The following CUX1 variants were observed in gnomAD, a reference collection of about 807,000 sequenced individuals.
CUX1 encodes the protein cut like homeobox 1, also known as protein CASP.
Under a neutral mutation model 158.8 loss-of-function variants are expected in CUX1, and 31 were observed. That is an observed-to-expected ratio of 0.20 (90% CI 0.15 to 0.26). The LOEUF (loss-of-function observed/expected upper bound fraction) is 0.26, where lower values mean the gene tolerates loss of function less well. Among genes scored for constraint, CUX1 ranks in the 10% least tolerant of loss-of-function variants. The probability of loss-of-function intolerance (pLI) is 1.00; values close to 1 mark genes in which losing one functional copy is unlikely to be tolerated. For synonymous variants in CUX1, 879 were observed against 862.1 expected, an observed-to-expected ratio of 1.02 and a Z score of -0.34; for missense variants, 1,589 against 2,014.6, an observed-to-expected ratio of 0.79 and a Z score of 4.04.
intron 20 of CUX1, among the ~76,000 whole-genome samples, chr7:102,219,214 G>T (rs1403534668): frequency 6.6e-6 from 1 of 152,008 alleles, no homozygotes; most frequent in Non-Finnish European, 1.5e-5. Context: ...GTGTGTGAGA[G>T]AGAGAGAGAA....
intron 20 of CUX1, among the ~76,000 whole-genome samples, chr7:102,214,366 AT>A (rs1796839290): frequency 6.6e-6 from 1 of 151,830 alleles, no homozygotes; most frequent in Non-Finnish European, 1.5e-5. Context: ...TCTACAGAAA[AT>A]TTAAAATTTA....
intron 1 of CUX1, among the ~76,000 whole-genome samples, chr7:101,897,195 C>T (rs74409607): frequency 0.017 from 2,558 of 152,276 alleles, 28 homozygotes; most frequent in Non-Finnish European, 0.028. Context: ...CATCTCTGTC[C>T]CTGGATGACA....
intron 1 of CUX1, among the ~76,000 whole-genome samples, chr7:101,864,395 C>G (rs190067350): frequency 6.6e-6 from 1 of 152,160 alleles, no homozygotes; most frequent in African/African-American, 2.4e-5. Context: ...CTCCTGAGCT[C>G]AAGCGATCCT....
intron 23 of CUX1, among the ~76,000 whole-genome samples, chr7:102,244,527 G>A (rs1563479495): frequency 6.6e-6 from 1 of 151,846 alleles, no homozygotes; most frequent in South Asian, 2.1e-4. Context: ...GTGAGACCAC[G>A]TCTACAAAAA....
intron 2 of CUX1, among the ~76,000 whole-genome samples, chr7:101,993,796 A>T (rs1425972655): frequency 8.5e-5 from 13 of 152,120 alleles, no homozygotes; most frequent in Admixed American, 7.9e-4. Context: ...CTCCCGGTGC[A>T]GACTGGGACA....
At chr7:101,822,568 A>T (rs779104477) in intron 1 of CUX1, 2 of 152,192 alleles carry the variant, frequency 1.3e-5, no homozygotes, top group Non-Finnish European at 2.9e-5. Flanking sequence ...GTGCTGCCCT[A>T]TTCGGGTATT....
intron 1 of CUX1, among the ~76,000 whole-genome samples, chr7:101,848,567 G>A (rs2131240089): frequency 6.6e-6 from 1 of 152,250 alleles, no homozygotes; most frequent in East Asian, 1.9e-4. Context: ...TCTCCCCCTT[G>A]TATTTTCCCA....
intron 3 of CUX1, among the ~76,000 whole-genome samples, chr7:102,060,698 C>T (rs1456212448): frequency 1.3e-5 from 2 of 151,394 alleles, no homozygotes; most frequent in East Asian, 3.9e-4. Context: ...CTGCAACCTC[C>T]ACCTTCTGGG....
At chr7:102,263,803 C>T (rs1305703003) in intron 14 of CUX1, among the ~76,000 whole-genome samples, 3 of 151,752 alleles carry the variant, frequency 2.0e-5, no homozygotes, top group African/African-American at 7.3e-5. Context: ...AGCGATTCTC[C>T]TGCCCCAGCC....
chr7:102,166,112 T>C (rs1209659240), intron 9 of CUX1, among the ~76,000 whole-genome samples: 1 of 152,164 alleles, frequency 6.6e-6, no homozygotes, highest in Non-Finnish European at 1.5e-5. Flanking sequence ...CGTGACAATG[T>C]CCTGGACACC....
chr7:102,231,776 C>T (rs1358716690), intron 21 of CUX1, among the ~76,000 whole-genome samples: 1 of 149,318 alleles, frequency 6.7e-6, no homozygotes, highest in Non-Finnish European at 1.5e-5. Context: ...TGCAGTGGCA[C>T]GATCTCGGCT....
At chr7:101,987,415 C>T (rs1290712381) in intron 2 of CUX1, among the ~76,000 whole-genome samples, 2 of 152,150 alleles carry the variant, frequency 1.3e-5, no homozygotes, top group Non-Finnish European at 2.9e-5. Context: ...TAGGTTCAAG[C>T]GGAAGAAATG....
chr7:102,036,776 A>AG (rs397713827), intron 3 of CUX1, among the ~76,000 whole-genome samples: 10 of 151,726 alleles, frequency 6.6e-5, no homozygotes, highest in Non-Finnish European at 1.0e-4. Flanking sequence ...AAAAAAAAAA[A>AG]CACCGGAATC....
intron 1 of CUX1, among the ~76,000 whole-genome samples, chr7:101,832,463 G>T (rs536806806): frequency 6.6e-6 from 1 of 152,170 alleles, no homozygotes; most frequent in Non-Finnish European, 1.5e-5. Flanking sequence ...GCACCTTCAG[G>T]GGCGGGCTTC....
chr7:101,999,124 G>A (rs765398986), intron 2 of CUX1, among the ~76,000 whole-genome samples: 2 of 151,932 alleles, frequency 1.3e-5, no homozygotes, highest in Admixed American at 6.6e-5. Context: ...TCTGGAGTCC[G>A]CATGGCTGTG....
chr7:101,870,602 G>A (rs1215066140), intron 1 of CUX1, among the ~76,000 whole-genome samples: 2 of 152,128 alleles, frequency 1.3e-5, no homozygotes, highest in Non-Finnish European at 2.9e-5. Flanking sequence ...AGAAATTAAT[G>A]GATGAGGGAA....
At chr7:102,110,869 C>T (rs984610680) in intron 6 of CUX1, among the ~76,000 whole-genome samples, 16 of 152,034 alleles carry the variant, frequency 1.1e-4, no homozygotes, top group Non-Finnish European at 1.9e-4. Context: ...GGAAATGAGC[C>T]AAGGAATAGT....
chr7:102,113,454 C>T (rs1455434471), intron 7 of CUX1, among the ~76,000 whole-genome samples: 1 of 151,912 alleles, frequency 6.6e-6, no homozygotes, highest in Non-Finnish European at 1.5e-5. Context: ...CGAGGTTTCG[C>T]CATGTTGGCC....
chr7:102,135,866 T>A (rs564896965), intron 8 of CUX1, among the ~76,000 whole-genome samples: 1 of 151,828 alleles, frequency 6.6e-6, no homozygotes, highest in East Asian at 1.9e-4. Context: ...TCCTAGCTAC[T>A]TGGGAGGCTG....
Sources: allele counts gnomAD v4.1 joint callset (sites outside exome capture counted in the v4.1 genomes callset), GRCh38; gene constraint gnomAD v4.1.1; transcripts MANE v1.5; gene names NCBI Gene and HGNC (gene_info 2026-07-23, HGNC 2026-07-21).